HSDL2: variants seen among roughly 807,000 people sequenced by gnomAD.
HSDL2 encodes the protein hydroxysteroid dehydrogenase-like protein 2.
HSDL2 carries 27 observed loss-of-function variants against 46.3 expected under a neutral mutation model. The ratio of observed to expected loss-of-function variants is 0.58; its 90% CI spans 0.43 to 0.80. The LOEUF (loss-of-function observed/expected upper bound fraction) is 0.80. HSDL2 is among the 30% of genes least tolerant of loss of function. The probability of loss-of-function intolerance (pLI) is 0.00; values close to 1 mark genes in which losing one functional copy is unlikely to be tolerated. For missense variants in HSDL2, 451 were observed against 502.7 expected (o/e 0.90, Z 0.98); for synonymous variants, 153 against 163.6 (o/e 0.94, Z 0.50).
chr9:112,428,523 T>C (rs1832303980), intron 6 of HSDL2, among the ~76,000 whole-genome samples: 1 of 152,216 alleles, frequency 6.6e-6, no homozygotes, highest in African/African-American at 2.4e-5. Context: ...ATTTAGTGGA[T>C]TGTGAAATTG....
At chr9:112,457,658 T>C (rs553547772) in intron 9 of HSDL2, among the ~76,000 whole-genome samples, 2 of 152,162 alleles carry the variant, frequency 1.3e-5, no homozygotes, top group African/African-American at 4.8e-5. Flanking sequence ...AAATTAAAAA[T>C]CAAGCAATCT....
intron 1 of HSDL2, among the ~76,000 whole-genome samples, chr9:112,392,040 AAG>A (rs1343576797): frequency 1.3e-5 from 2 of 152,232 alleles, no homozygotes; most frequent in Admixed American, 6.5e-5. Flanking sequence ...AGACAGCACA[AAG>A]AGAGGAATTT....
chr9:112,387,332 A>G (rs758218046), intron 1 of HSDL2, among the ~76,000 whole-genome samples: 1 of 151,752 alleles, frequency 6.6e-6, no homozygotes, highest in Non-Finnish European at 1.5e-5. Flanking sequence ...TGATCCTCCA[A>G]CCTCAGCTTC....
chr9:112,436,960 CT>C (rs780957603), intron 6 of HSDL2, among the ~76,000 whole-genome samples: 59 of 126,768 alleles, frequency 4.7e-4, no homozygotes, highest in Middle Eastern at 4.3e-3. Context: ...TTCTTTTTTT[CT>C]TTTTTTTTTT....
chr9:112,421,637 G>A (rs906282841), intron 6 of HSDL2, among the ~76,000 whole-genome samples: 1 of 152,146 alleles, frequency 6.6e-6, no homozygotes, highest in African/African-American at 2.4e-5. Flanking sequence ...CTTGCCTCAA[G>A]TGATATATCC....
chr9:112,403,258 A>C (rs1241761967), intron 1 of HSDL2, among the ~76,000 whole-genome samples: 4 of 151,646 alleles, frequency 2.6e-5, no homozygotes, highest in Non-Finnish European at 5.9e-5. Context: ...AATCCCTCCC[A>C]CTCCCAGCTC....
At chr9:112,450,072 T>A (rs1332600345) in intron 8 of HSDL2, among the ~76,000 whole-genome samples, 1 of 152,162 alleles carries the variant, frequency 6.6e-6, no homozygotes, top group Admixed American at 6.5e-5. Flanking sequence ...TTTGGCTACA[T>A]CCAATCGATT....
intron 4 of HSDL2, among the ~76,000 whole-genome samples, chr9:112,414,265 G>A (rs926296037): frequency 1.3e-5 from 2 of 152,164 alleles, no homozygotes; most frequent in South Asian, 4.1e-4. Flanking sequence ...AGACAGGGAG[G>A]AAAGTCTTTG....
Position 112,404,291 on chromosome 9 carries a change from A to G in HSDL2, c.181+133A>G. On this transcript the variant is annotated intron_variant, in intron 2 of 10. Coordinates refer to ENST00000398805, the MANE Select transcript of HSDL2 (RefSeq NM_032303.5). ...ATTTTATCTAGTGAAAGAAGTATTT[A>G]TGTTGTCACCTTGGGGCAGTGCTTC... is the stretch of plus-strand genomic sequence containing the variant. 3 of 835,518 alleles carry G rather than the reference A, an allele frequency of 3.6e-6. No homozygotes were observed. The South Asian group carries it at 5.7e-5, about 16-fold the overall frequency. The allele number at this position is 835,518 out of a possible 1,614,324, so 51.8% of individuals were successfully genotyped here.
At chr9:112,455,184 GA>G (rs1332533932) in intron 9 of HSDL2, among the ~76,000 whole-genome samples, 2 of 151,786 alleles carry the variant, frequency 1.3e-5, no homozygotes, top group Non-Finnish European at 2.9e-5. Context: ...AGTACACTGC[GA>G]TCGCATCTGT....
At chr9:112,464,205 C>T (rs529148543) in intron 10 of HSDL2, among the ~76,000 whole-genome samples, 2 of 151,432 alleles carry the variant, frequency 1.3e-5, no homozygotes, top group African/African-American at 4.8e-5. Flanking sequence ...TGCTTCTACA[C>T]ACACACAGAC....
chr9:112,392,699 A>C (rs1831372387), intron 1 of HSDL2, among the ~76,000 whole-genome samples: 1 of 152,104 alleles, frequency 6.6e-6, no homozygotes, highest in Non-Finnish European at 1.5e-5. Context: ...TGTTCCCTAA[A>C]AATTGCTGTT....
intron 2 of HSDL2, among the ~76,000 whole-genome samples, chr9:112,404,613 G>C (rs1831683191): frequency 6.6e-6 from 1 of 152,106 alleles, no homozygotes; most frequent in Non-Finnish European, 1.5e-5. Flanking sequence ...GTAGAGAGGA[G>C]AGAATTTGAT....
chr9:112,452,132 C>CT (rs1184194352), intron 8 of HSDL2, among the ~76,000 whole-genome samples: 5 of 152,278 alleles, frequency 3.3e-5, no homozygotes, highest in Admixed American at 3.3e-4. Flanking sequence ...TCTGTTCGTA[C>CT]TTTAACTTAT....
At chr9:112,455,900 C>G (rs1271082827) in intron 9 of HSDL2, among the ~76,000 whole-genome samples, 1 of 152,150 alleles carries the variant, frequency 6.6e-6, no homozygotes, top group Non-Finnish European at 1.5e-5. Flanking sequence ...GAATGGAGCT[C>G]AGCTCTCCAT....
intron 10 of HSDL2, among the ~76,000 whole-genome samples, chr9:112,465,311 TAG>T (rs1833343597): frequency 6.6e-6 from 1 of 152,150 alleles, no homozygotes; most frequent in Admixed American, 6.6e-5. Flanking sequence ...GTATTTTTAG[TAG>T]AGACAGAATT....
intron 1 of HSDL2, among the ~76,000 whole-genome samples, chr9:112,383,632 T>C (rs918930100): frequency 3.9e-5 from 6 of 152,208 alleles, no homozygotes; most frequent in Non-Finnish European, 8.8e-5. Context: ...TTCTTGCACA[T>C]ATAGCGCTCT....
At chr9:112,449,163 T>C (rs1832821190) in intron 8 of HSDL2, among the ~76,000 whole-genome samples, 1 of 147,974 alleles carries the variant, frequency 6.8e-6, no homozygotes, top group Non-Finnish European at 1.5e-5. Context: ...CTCGGCTCAC[T>C]GCAACCCCTG....
At chr9:112,451,886 G>T (rs1053965034) in intron 8 of HSDL2, among the ~76,000 whole-genome samples, 1 of 152,118 alleles carries the variant, frequency 6.6e-6, no homozygotes, top group South Asian at 2.1e-4. Flanking sequence ...TGTGGAGTGG[G>T]CTTCTGGGAT....
Sources: allele counts gnomAD v4.1 joint callset (sites outside exome capture counted in the v4.1 genomes callset), GRCh38; gene constraint gnomAD v4.1.1; transcripts MANE v1.5; gene names NCBI Gene and HGNC (gene_info 2026-07-23, HGNC 2026-07-21).